CSMD1: variants seen among roughly 807,000 people sequenced by gnomAD.
CSMD1 encodes the protein CUB and sushi domain-containing protein 1.
A neutral mutation model predicts 417.5 loss-of-function variants in CSMD1; 213 were observed. That is an observed-to-expected ratio of 0.51 (90% CI 0.46 to 0.57). The LOEUF (loss-of-function observed/expected upper bound fraction) is 0.57, where lower values mean the gene tolerates loss of function less well. CSMD1 is among the 20% of genes least tolerant of loss of function. The pLI, the probability that CSMD1 is intolerant of heterozygous loss-of-function variation, is 0.00. For synonymous variants in CSMD1, 2,862 were observed against 1,736.8 expected (o/e 1.65, Z -16.11); for missense variants, 6,923 against 4,529.7 (o/e 1.53, Z -15.17).
At chr8:3,862,685 C>G (rs1804798448) in intron 5 of CSMD1, among the ~76,000 whole-genome samples, 1 of 152,156 alleles carries the variant, frequency 6.6e-6, no homozygotes, top group Non-Finnish European at 1.5e-5. Flanking sequence ...ACGTGCTTTT[C>G]TATATAGGAA....
Position 3,411,834 on chromosome 8 carries a change from G to GCACGTATATATGCACGTATATATA in CSMD1, c.1562-2230_1562-2229insTATATATACGTGCATATATACGTG, listed in dbSNP as rs1812751734. Among the ~76,000 whole-genome samples the GCACGTATATATGCACGTATATATA allele has an allele frequency of 1.8e-4, 12 of 66,232 alleles. 3 individuals are homozygous for GCACGTATATATGCACGTATATATA. The highest frequency in any genetic ancestry group is 3.6e-4 in the Non-Finnish European group (11 of 30,772). 43.5% of individuals were successfully genotyped at this position (66,232 alleles called of 152,430 possible). ...TATATATACGTGTATATGTATATATGCACGTATATATGCACGTATATATGC... is the reference window on the plus strand; with the variant it reads ...TATATATACGTGTATATGTATATATGCACGTATATATGCACGTATATATACACGTATATATGCACGTATATATGC... On this transcript the variant is annotated intron_variant, in intron 12 of 69. Transcript: ENST00000635120.
At chr8:4,571,418 G>A (rs1310921891) in intron 2 of CSMD1, among the ~76,000 whole-genome samples, 1 of 152,194 alleles carries the variant, frequency 6.6e-6, no homozygotes, top group Non-Finnish European at 1.5e-5. Context: ...TCATTTAGGA[G>A]CAGGTTATCA....
At chr8:4,232,646 A>T (rs190634449) in intron 3 of CSMD1, among the ~76,000 whole-genome samples, 5 of 152,278 alleles carry the variant, frequency 3.3e-5, no homozygotes, top group Middle Eastern at 6.8e-3. Flanking sequence ...TTTCATCACT[A>T]AATCTTACTT....
At chr8:4,454,777 A>G (rs1322801875) in intron 2 of CSMD1, among the ~76,000 whole-genome samples, 1 of 152,240 alleles carries the variant, frequency 6.6e-6, no homozygotes. Flanking sequence ...TAGCCATTCT[A>G]AAGGCACTTA....
At chr8:4,294,865 T>C (rs761976876) in intron 3 of CSMD1, among the ~76,000 whole-genome samples, 1 of 151,908 alleles carries the variant, frequency 6.6e-6, no homozygotes, top group Non-Finnish European at 1.5e-5. Context: ...GAAAACTTTG[T>C]CTTTGCCCTT....
intron 12 of CSMD1, among the ~76,000 whole-genome samples, chr8:3,439,665 C>A (rs138359255): frequency 1.3e-5 from 2 of 151,892 alleles, no homozygotes; most frequent in African/African-American, 2.4e-5. Flanking sequence ...AGGTAATAAT[C>A]AATTATTTGG....
At chr8:3,423,804 T>C (rs1456394820) in intron 12 of CSMD1, among the ~76,000 whole-genome samples, 1 of 152,192 alleles carries the variant, frequency 6.6e-6, no homozygotes, top group Non-Finnish European at 1.5e-5. Context: ...GGTGAATGGG[T>C]ACTCCCTCAG....
At chr8:3,987,403 T>C (rs1009266023) in intron 5 of CSMD1, among the ~76,000 whole-genome samples, 1 of 152,206 alleles carries the variant, frequency 6.6e-6, no homozygotes, top group Admixed American at 6.5e-5. Flanking sequence ...GACTAATGGA[T>C]ACAGGGGTTG....
At chr8:3,071,402 G>A (rs1407829939) in intron 49 of CSMD1, among the ~76,000 whole-genome samples, 1 of 152,166 alleles carries the variant, frequency 6.6e-6, no homozygotes. Flanking sequence ...CCTAATGAAT[G>A]CAGGGCTTAA....
At chr8:3,667,269 T>C (rs1585043427) in intron 7 of CSMD1, among the ~76,000 whole-genome samples, 1 of 152,104 alleles carries the variant, frequency 6.6e-6, no homozygotes, top group African/African-American at 2.4e-5. Flanking sequence ...GGTTTTATGA[T>C]ATGTCAGATT....
At chr8:4,887,175 A>G (rs534055417) in intron 1 of CSMD1, among the ~76,000 whole-genome samples, 3 of 152,188 alleles carry the variant, frequency 2.0e-5, no homozygotes, top group African/African-American at 7.2e-5. Flanking sequence ...ATGTTCAGTC[A>G]TTATATGCCT....
At chr8:3,617,518 T>C (rs1205153710) in intron 7 of CSMD1, among the ~76,000 whole-genome samples, 1 of 152,162 alleles carries the variant, frequency 6.6e-6, no homozygotes, top group Non-Finnish European at 1.5e-5. Flanking sequence ...GGGACCCAAT[T>C]CAGTATAATG....
intron 7 of CSMD1, among the ~76,000 whole-genome samples, chr8:3,674,806 C>A (rs538136573): frequency 1.3e-5 from 2 of 152,082 alleles, no homozygotes; most frequent in Non-Finnish European, 2.9e-5. Context: ...AAACCAATTC[C>A]AAATGAGGCT....
intron 7 of CSMD1, among the ~76,000 whole-genome samples, chr8:3,676,832 G>T (rs1375787050): frequency 6.6e-6 from 1 of 152,130 alleles, no homozygotes; most frequent in East Asian, 1.9e-4. Context: ...TGGAATAAAG[G>T]ATGAGTTCAT....
At chr8:4,762,052 C>T (rs1177104271) in intron 1 of CSMD1, among the ~76,000 whole-genome samples, 2 of 151,828 alleles carry the variant, frequency 1.3e-5, no homozygotes, top group Non-Finnish European at 2.9e-5. Context: ...CTGATTAAGA[C>T]CAAATAAGTC....
At chr8:4,174,645 A>C (rs1797940243) in intron 3 of CSMD1, among the ~76,000 whole-genome samples, 2 of 146,924 alleles carry the variant, frequency 1.4e-5, no homozygotes, top group Non-Finnish European at 3.0e-5. Flanking sequence ...CTGGGAATGT[A>C]GGAATTATAG....
chr8:3,779,888 T>A (rs1412375634), intron 5 of CSMD1, among the ~76,000 whole-genome samples: 1 of 152,204 alleles, frequency 6.6e-6, no homozygotes, highest in African/African-American at 2.4e-5. Flanking sequence ...TTTCATTTAT[T>A]TTTTTCTCTC....
chr8:3,937,222 A>ATTATT (rs1349157440), intron 5 of CSMD1, among the ~76,000 whole-genome samples: 1 of 152,208 alleles, frequency 6.6e-6, no homozygotes, highest in Non-Finnish European at 1.5e-5. Flanking sequence ...AAAGATTGTG[A>ATTATT]TTATTTCATA....
At chr8:3,021,265 AAAG>A (rs765056237) in intron 51 of CSMD1, among the ~76,000 whole-genome samples, 3 of 152,230 alleles carry the variant, frequency 2.0e-5, no homozygotes, top group Non-Finnish European at 4.4e-5. Flanking sequence ...ACTCAATTGT[AAAG>A]AAGAAGTAAT....
Sources: allele counts gnomAD v4.1 joint callset (sites outside exome capture counted in the v4.1 genomes callset), GRCh38; gene constraint gnomAD v4.1.1; transcripts MANE v1.5; gene names NCBI Gene and HGNC (gene_info 2026-07-23, HGNC 2026-07-21).